The following PCDHA4 variants were observed in gnomAD, a reference collection of about 807,000 sequenced individuals.
The protein encoded by PCDHA4 is protocadherin alpha 4.
PCDHA4 carries 49 observed loss-of-function variants against 61.4 expected under a neutral mutation model. The ratio of observed to expected loss-of-function variants is 0.80; its 90% CI spans 0.63 to 1.01. The LOEUF is 1.01. Among genes scored for constraint, PCDHA4 ranks in the 50% least tolerant of loss-of-function variants. The pLI is 0.00. For synonymous variants in PCDHA4, 590 were observed against 550.3 expected (o/e 1.07, Z -1.01); for missense variants, 1,254 against 1,235.8 (o/e 1.01, Z -0.22).
chr5:140,854,269 G>C, intron 1 of PCDHA4: 2 of 577,018 alleles, frequency 3.5e-6, no homozygotes, highest in Non-Finnish European at 4.4e-6. Flanking sequence ...TACATTAGTA[G>C]AAATTGAGTT....
intron 1 of PCDHA4, among the ~76,000 whole-genome samples, chr5:140,837,617 C>A (rs1249058339): frequency 6.8e-6 from 1 of 146,230 alleles, no homozygotes; most frequent in Non-Finnish European, 1.5e-5. Flanking sequence ...TAATTTGCCC[C>A]TTCCTTCCTT....
chr5:140,867,218 C>T (rs1306358108), intron 1 of PCDHA4: 1 of 152,104 alleles, frequency 6.6e-6, no homozygotes, highest in Non-Finnish European at 1.5e-5. Context: ...TCTTCATCCC[C>T]AATTCCCATA....
At chr5:140,953,527 A>T (rs531720224) in intron 1 of PCDHA4, among the ~76,000 whole-genome samples, 153 of 152,150 alleles carry the variant, frequency 1.0e-3, no homozygotes, top group African/African-American at 2.9e-3. Flanking sequence ...AAAACGGGAA[A>T]CTCACTTCAT....
Position 140,858,211 on chromosome 5 carries a change from C to T in PCDHA4, c.2385+48639C>T, listed in dbSNP as rs368039385. On this transcript the variant is annotated intron_variant, in intron 1 of 3. Transcript: ENST00000530339. ...TGCTGCTGTACACTGCACTGAGGTG[C>T]TCGGCGGCGCCCACCGAGGGCGCAT... 10 of 1,594,094 alleles carry T rather than the reference C, an allele frequency of 6.3e-6. 2 individuals are homozygous for T. Among genetic ancestry groups the T allele is most frequent in the Non-Finnish European group, 8.6e-6 (10 of 1,165,544 alleles).
At chr5:140,856,240 G>A in intron 1 of PCDHA4, 1 of 1,598,050 alleles carries the variant, frequency 6.3e-7, no homozygotes, top group Non-Finnish European at 8.6e-7. Flanking sequence ...GCCTGTTCCG[G>A]GTGGCGTCCA....
At chr5:141,004,532 C>G (rs569751588) in intron 3 of PCDHA4, among the ~76,000 whole-genome samples, 1 of 152,314 alleles carries the variant, frequency 6.6e-6, no homozygotes, top group African/African-American at 2.4e-5. Context: ...TACACACAGC[C>G]ATTAATGTCC....
chr5:140,829,411 C>T, intron 1 of PCDHA4: 1 of 1,614,148 alleles, frequency 6.2e-7, no homozygotes. Flanking sequence ...CCACCGCCAG[C>T]TTGTCTGTGG....
chr5:140,882,676 C>T (rs1458440894), intron 1 of PCDHA4: 18 of 1,614,060 alleles, frequency 1.1e-5, no homozygotes, highest in Admixed American at 3.3e-5. Context: ...TCCCTGAAAG[C>T]AAGAAACGAA....
In PCDHA4 at chr5:140,833,703, A is replaced by C. The variant is rs1170521350; in HGVS notation, c.2385+24131A>C. On this transcript the variant is annotated intron_variant, in intron 1 of 3. Transcript: ENST00000530339. ...AACCTTCTCTTATTTTGTTTTCCCA[A>C]GAGAAGTGTCTGGATAGTTGCTAAT... Among the ~76,000 whole-genome samples the C allele has an allele frequency of 3.9e-5, 6 of 152,270 alleles. No homozygotes were observed. In the South Asian group the frequency reaches 8.3e-4, roughly 21 times the overall value.
chr5:140,903,642 A>G (rs1583499752), intron 1 of PCDHA4, among the ~76,000 whole-genome samples: 2 of 152,374 alleles, frequency 1.3e-5, no homozygotes, highest in East Asian at 3.8e-4. Context: ...CATATACCAT[A>G]TACATATATT....
chr5:140,807,076 T>G lies in PCDHA4; in HGVS notation c.-112T>G. On this transcript the variant is annotated 5_prime_UTR_variant, in exon 1 of 4. Transcript: ENST00000530339. ...TCTTACTGGAAGGAACCATATACAC[T>G]CTTTGGAGTCTGAAATATGGAGGAT... 3 of 1,236,862 alleles carry G rather than the reference T, an allele frequency of 2.4e-6. No homozygotes were observed. The highest frequency in any genetic ancestry group is 3.4e-6 in the Non-Finnish European group (3 of 878,764). The allele number at this position is 1,236,862 out of a possible 1,614,324, so 76.6% of individuals were successfully genotyped here. A position where few individuals can be genotyped will look rare whatever the true frequency, so the allele number is the denominator to read the frequency against.
At chr5:140,992,319 T>C (rs1474763849) in intron 3 of PCDHA4, among the ~76,000 whole-genome samples, 1 of 152,174 alleles carries the variant, frequency 6.6e-6, no homozygotes, top group Admixed American at 6.6e-5. Context: ...GGGCATTCCC[T>C]TTTCTAAGAG....
intron 3 of PCDHA4, among the ~76,000 whole-genome samples, chr5:141,006,446 C>T (rs2098274720): frequency 1.3e-5 from 2 of 152,066 alleles, no homozygotes; most frequent in South Asian, 4.1e-4. Flanking sequence ...ATCTCCTGAC[C>T]TCGAGATCTG....
chr5:140,927,796 C>T, intron 1 of PCDHA4: 1 of 1,614,202 alleles, frequency 6.2e-7, no homozygotes, highest in South Asian at 1.1e-5. Context: ...ACTAGGTCCG[C>T]CTGAAACGCT....
chr5:140,823,743 C>T (rs1554129577), intron 1 of PCDHA4: 13 of 1,613,718 alleles, frequency 8.1e-6, no homozygotes, highest in Non-Finnish European at 1.1e-5. Flanking sequence ...ATGGAGAGCC[C>T]CCGCTGACAG....
At position 140,834,227 on chromosome 5, in the gene PCDHA4, A is replaced by T. The variant is rs1772849510; in HGVS notation, c.2385+24655A>T. The T allele has an allele frequency of 4.2e-6, 3 of 708,588 alleles. No individual in the cohort carries two copies. In the Admixed American group the frequency reaches 8.9e-5, roughly 21 times the overall value. 43.9% of individuals were successfully genotyped at this position (708,588 alleles called of 1,614,324 possible). ...AATTCTTTCGTAATCAGCAAAAGGAAGTCATTCCTTTTCGCACTGGAAAGA... is the reference window on the plus strand; with the variant it reads ...AATTCTTTCGTAATCAGCAAAAGGATGTCATTCCTTTTCGCACTGGAAAGA... On this transcript the variant is annotated intron_variant, in intron 1 of 3. Transcript: ENST00000530339.
intron 1 of PCDHA4, chr5:140,884,210 C>G: frequency 6.2e-7 from 1 of 1,613,532 alleles, no homozygotes; most frequent in South Asian, 1.1e-5. Context: ...CCACCGCCTT[C>G]TGGTGCTGGT....
intron 1 of PCDHA4, among the ~76,000 whole-genome samples, chr5:140,914,530 C>T (rs1305035760): frequency 1.3e-5 from 2 of 152,096 alleles, no homozygotes; most frequent in African/African-American, 2.4e-5. Flanking sequence ...ATCCATTCAG[C>T]CACTTTATTT....
intron 1 of PCDHA4, among the ~76,000 whole-genome samples, chr5:140,971,359 G>T (rs537725732): frequency 6.6e-5 from 10 of 152,312 alleles, no homozygotes; most frequent in Admixed American, 3.3e-4. Flanking sequence ...GGGAGATTTT[G>T]CCAGGAGAGT....
Sources: gnomAD v4.1 joint callset for allele counts (sites outside exome capture counted in the v4.1 genomes callset) on GRCh38, gnomAD v4.1.1 for gene constraint, MANE v1.5 for transcripts, NCBI Gene and HGNC (gene_info 2026-07-23, HGNC 2026-07-21) for gene names.